Variants in ERCC1 observed in about 807,000 individuals in gnomAD.
The protein encoded by ERCC1 is DNA excision repair protein ERCC-1.
ERCC1 carries 36 observed loss-of-function variants against 37.6 expected under a neutral mutation model. The ratio of observed to expected loss-of-function variants is 0.96; its 90% CI spans 0.73 to 1.26. The LOEUF is 1.26. Among genes scored for constraint, ERCC1 ranks in the 50% most tolerant of loss-of-function variants. ERCC1 has a pLI of 0.00. For missense variants in ERCC1, 349 were observed against 376.5 expected (o/e 0.93, Z 0.60); for synonymous variants, 156 against 162.1 (o/e 0.96, Z 0.28).
intron 1 of ERCC1, among the ~76,000 whole-genome samples, chr19:45,438,951 C>T (rs150807840): frequency 2.4e-4 from 36 of 152,248 alleles, no homozygotes; most frequent in African/African-American, 8.2e-4. Context: ...CGAAGTTATT[C>T]CTCTTATCTG....
At chr19:45,413,352 A>G in intron 9 of ERCC1, 1 of 583,548 alleles carries the variant, frequency 1.7e-6, no homozygotes, top group South Asian at 2.0e-5. Context: ...CTGCAGCCTC[A>G]ACCTCCTGGG....
upstream of ERCC1, chr19:45,424,119 C>T: frequency 7.0e-6 from 7 of 993,120 alleles, no homozygotes; most frequent in Non-Finnish European, 8.5e-6. Context: ...CAGTGGAGAA[C>T]AGATCGCAGG....
chr19:45,450,920 G>A (rs1167736352), intron 1 of ERCC1, among the ~76,000 whole-genome samples: 48 of 136,660 alleles, frequency 3.5e-4, no homozygotes, highest in South Asian at 1.0e-3. Flanking sequence ...CCGCGCAGAC[G>A]CGGTGACGCG....
At chr19:45,423,236 A>T in intron 2 of ERCC1, 34 bp downstream of exon 2, 4 of 1,590,504 alleles carry the variant, frequency 2.5e-6, no homozygotes, top group Non-Finnish European at 3.4e-6. Context: ...AACAGCCCCC[A>T]GCCTCCCAGG....
intron 1 of ERCC1, among the ~76,000 whole-genome samples, chr19:45,430,065 T>C (rs952071393): frequency 3.9e-5 from 6 of 152,172 alleles, no homozygotes; most frequent in East Asian, 1.9e-4. Flanking sequence ...ATTACAGGCA[T>C]GAGCCACCGC....
intron 9 of ERCC1, among the ~76,000 whole-genome samples, chr19:45,410,971 G>A (rs1407601935): frequency 1.3e-5 from 2 of 152,028 alleles, no homozygotes; most frequent in Non-Finnish European, 2.9e-5. Context: ...TTACAGGCAC[G>A]CGCCACCACA....
rs2123435700 is a variant in ERCC1 at position 45,409,449 on chromosome 19, C to G, written c.*226G>C. The G allele has an allele frequency of 6.2e-7, 1 of 1,613,094 alleles. No individual in the cohort carries two copies. Among genetic ancestry groups the G allele is most frequent in the Non-Finnish European group, 8.5e-7 (1 of 1,179,950 alleles). On this transcript the variant is annotated 3_prime_UTR_variant, in exon 10 of 10. Coordinates refer to ENST00000300853, the MANE Select transcript of ERCC1 (RefSeq NM_001983.4). ...CTGAATTCAGAGTCTGGGGAGGAGG[C>G]TCCCACAGGCCGGGACAAGAAGCGG... is the stretch of plus-strand genomic sequence containing the variant.
Position 45,432,562 on chromosome 19 carries a change from T to C in ERCC1, c.-7-9181A>G, listed in dbSNP as rs201807769. ...GGTCCTCAATACATTTTTTAAATTT[T>C]AGACAGGGTTTCACTCTGTTGCCCA... On this transcript the variant is annotated intron_variant, in intron 1 of 8. Coordinates refer to the ERCC1 transcript ENST00000423698. Among the ~76,000 whole-genome samples, 9 of 152,246 alleles carry C rather than the reference T, an allele frequency of 5.9e-5. 1 individual carries two copies. In the East Asian group the frequency reaches 1.5e-3, roughly 26 times the overall value.
chr19:45,437,119 C>T (rs73564949), intron 1 of ERCC1, among the ~76,000 whole-genome samples: 1 of 151,838 alleles, frequency 6.6e-6, no homozygotes, highest in African/African-American at 2.4e-5. Flanking sequence ...CGTTGTGACA[C>T]ACGCCCGTAA....
chr19:45,439,675 C>T (rs923841526), intron 1 of ERCC1, among the ~76,000 whole-genome samples: 4 of 151,984 alleles, frequency 2.6e-5, no homozygotes, highest in African/African-American at 4.8e-5. Context: ...GCTCTGAACC[C>T]CGGCGGACGC....
chr19:45,439,743 G>C (rs1194124842), intron 1 of ERCC1, among the ~76,000 whole-genome samples: 1 of 151,994 alleles, frequency 6.6e-6, no homozygotes, highest in Non-Finnish European at 1.5e-5. Context: ...CCGGGAGCCC[G>C]GGAGGCGGGT....
At chr19:45,436,312 C>A (rs565958642) in intron 1 of ERCC1, among the ~76,000 whole-genome samples, 4 of 152,302 alleles carry the variant, frequency 2.6e-5, no homozygotes, top group African/African-American at 9.6e-5. Flanking sequence ...AACAAATTAT[C>A]CCCAATTCAG....
rs1323480494 is a variant in ERCC1 at position 45,445,321 on chromosome 19, A to C, written c.-7-21940T>G. On this transcript the variant is annotated intron_variant, in intron 1 of 8. Transcript: ENST00000423698. The stretch of plus-strand genomic sequence containing the variant: ...GTGAGCCACGGCACCTGCCCCAATC[A>C]ACAGGTATTTATTGAGCATCTACTA... 2.6e-5 allele frequency among the ~76,000 whole-genome samples: 4 copies of C among 152,170 alleles called. No homozygotes were observed. The South Asian group carries it at 6.2e-4, about 24-fold the overall frequency.
chr19:45,410,641 C>G (rs1488010595), intron 9 of ERCC1: 1 of 149,928 alleles, frequency 6.7e-6, no homozygotes, highest in Non-Finnish European at 1.5e-5. Context: ...CCCTAACTAC[C>G]CTCCCCAGCC....
intron 2 of ERCC1, among the ~76,000 whole-genome samples, chr19:45,422,016 C>T (rs1248998451): frequency 6.6e-6 from 1 of 152,018 alleles, no homozygotes; most frequent in East Asian, 1.9e-4. Context: ...TGAATTCAGC[C>T]ACTTCTCCCC....
At chr19:45,447,555 G>A (rs532390146) in intron 1 of ERCC1, among the ~76,000 whole-genome samples, 26 of 151,960 alleles carry the variant, frequency 1.7e-4, no homozygotes, top group Admixed American at 3.3e-4. Context: ...GATTACAGGC[G>A]TGAACCACTG....
intron 2 of ERCC1, among the ~76,000 whole-genome samples, chr19:45,421,833 A>G (rs1974452888): frequency 6.6e-6 from 1 of 151,786 alleles, no homozygotes; most frequent in South Asian, 2.1e-4. Flanking sequence ...GGGTTTCAAC[A>G]TGTTGTCCAG....
chr19:45,419,313 T>A (rs1393950549), intron 4 of ERCC1, 116 bp from the exon 5 acceptor site: 13 of 761,988 alleles, frequency 1.7e-5, no homozygotes, highest in South Asian at 5.9e-5. Context: ...GGACAGAGGG[T>A]CCTGAGGCCC....
Position 45,409,051 on chromosome 19 carries a change from G to A in ERCC1, c.*624C>T. The A allele has an allele frequency of 1.2e-6, 2 of 1,613,628 alleles. No individual in the cohort carries two copies. The highest frequency in any genetic ancestry group is 2.7e-5 in the African/African-American group (2 of 74,908). ...AGATGAAGCCTCTGGAGTCCCCAGG[G>A]GGGACCATGGCGCCTCAACAGCCAG... On this transcript the variant is annotated 3_prime_UTR_variant, in exon 10 of 10. Coordinates refer to ENST00000300853, the MANE Select transcript of ERCC1 (RefSeq NM_001983.4).
Sources: gnomAD v4.1 joint callset for allele counts (sites outside exome capture counted in the v4.1 genomes callset) on GRCh38, gnomAD v4.1.1 for gene constraint, MANE v1.5 for transcripts, NCBI Gene and HGNC (gene_info 2026-07-23, HGNC 2026-07-21) for gene names.